Variants in CEP57L1 observed in about 807,000 individuals in gnomAD.
The protein encoded by CEP57L1 is centrosomal protein CEP57L1.
CEP57L1 carries 37 observed loss-of-function variants against 61.0 expected under a neutral mutation model. The ratio of observed to expected loss-of-function variants is 0.61; its 90% CI spans 0.47 to 0.80. The LOEUF is 0.80. Ranked by LOEUF, CEP57L1 falls within the 30% of genes least tolerant of loss-of-function variation. The pLI, the probability that CEP57L1 is intolerant of heterozygous loss-of-function variation, is 0.00. For missense variants in CEP57L1, 422 were observed against 524.7 expected, an observed-to-expected ratio of 0.80 and a Z score of 1.91; for synonymous variants, 137 against 162.3, an observed-to-expected ratio of 0.84 and a Z score of 1.19.
intron 1 of CEP57L1, among the ~76,000 whole-genome samples, chr6:109,098,735 C>T (rs1467026805): frequency 6.6e-6 from 1 of 152,020 alleles, no homozygotes; most frequent in African/African-American, 2.4e-5. Flanking sequence ...TCAAGTGATC[C>T]TCCTGCCTCA....
At chr6:109,109,504 G>A (rs567757051) in intron 1 of CEP57L1, among the ~76,000 whole-genome samples, 1 of 152,194 alleles carries the variant, frequency 6.6e-6, no homozygotes, top group Non-Finnish European at 1.5e-5. Context: ...TTAGTGGGTT[G>A]TAGATCTATA....
At chr6:109,158,766 C>T (rs1348238410) in intron 7 of CEP57L1, 25 of 534,046 alleles carry the variant, frequency 4.7e-5, no homozygotes, top group Non-Finnish European at 7.5e-5. Flanking sequence ...TTGTTATTGT[C>T]ACTGTTTTTT....
intron 3 of CEP57L1, among the ~76,000 whole-genome samples, chr6:109,149,794 T>C (rs1772393888): frequency 6.6e-6 from 1 of 152,230 alleles, no homozygotes; most frequent in Non-Finnish European, 1.5e-5. Context: ...TTTTATTTCA[T>C]TGAGCAGTGG....
intron 1 of CEP57L1, among the ~76,000 whole-genome samples, chr6:109,126,832 T>C (rs1001177442): frequency 6.6e-6 from 1 of 152,206 alleles, no homozygotes; most frequent in African/African-American, 2.4e-5. Context: ...TTATAATTTA[T>C]AAAATATTTG....
At position 109,165,310 on chromosome 6, in the gene CEP57L1, A is replaced by G. The variant is rs367994953; in HGVS notation, c.*2340A>G. The stretch of plus-strand genomic sequence containing the variant: ...ATACTAATATCTCCCTCACAGGACT[A>G]TACTAATTTGTTGTGAGGAGTTAAT... On this transcript the variant is annotated 3_prime_UTR_variant, in exon 11 of 11. Transcript: ENST00000517392. Among the ~76,000 whole-genome samples the G allele has an allele frequency of 2.0e-5, 3 of 151,940 alleles. 1 individual carries two copies. The highest frequency in any genetic ancestry group is 4.2e-4 in the South Asian group (2 of 4,808).
At position 109,173,395 on chromosome 6, in the gene CEP57L1, C is replaced by A. The variant is rs1023880416; in HGVS notation, c.*10425C>A. Reference sequence around the variant, plus strand: ...TAAAGAAGAAAGGAATCTTTCCTTTCCTTCCCCCTCAGCCCGCCCCCTACC... The same window carrying A: ...TAAAGAAGAAAGGAATCTTTCCTTTACTTCCCCCTCAGCCCGCCCCCTACC... On this transcript the variant is annotated 3_prime_UTR_variant, in exon 11 of 11. Coordinates refer to ENST00000517392, the MANE Select transcript of CEP57L1 (RefSeq NM_001271852.3). 6.6e-6 allele frequency among the ~76,000 whole-genome samples: 1 copy of A among 150,420 alleles called. No homozygotes were observed. Among genetic ancestry groups the A allele is most frequent in the Non-Finnish European group, 1.5e-5 (1 of 67,692 alleles).
chr6:109,100,147 T>C (rs1015703409), intron 1 of CEP57L1: 1 of 152,006 alleles, frequency 6.6e-6, no homozygotes, highest in Non-Finnish European at 1.5e-5. Flanking sequence ...GAGGAACTAC[T>C]GTGCTTGTTT....
At chr6:109,159,590 T>C in intron 9 of CEP57L1, 128 bp downstream of exon 9, 1 of 740,704 alleles carries the variant, frequency 1.4e-6, no homozygotes, top group East Asian at 2.7e-5. Flanking sequence ...ATTACAAGCA[T>C]GAGCCACCGT....
chr6:109,128,261 A>G (rs1338195557), intron 1 of CEP57L1, among the ~76,000 whole-genome samples: 1 of 152,124 alleles, frequency 6.6e-6, no homozygotes, highest in Non-Finnish European at 1.5e-5. Flanking sequence ...CCCCTTTTAT[A>G]TTATTCCATA....
rs141406053 is a variant in CEP57L1 at position 109,160,583 on chromosome 6, A to G, written c.1028A>G (p.Glu343Gly). ...CTATTCTTTCATAGGGAGCACCAAGAACTACTGAAACAAATGAAGGAAACT... is the reference window on the plus strand; with the variant it reads ...CTATTCTTTCATAGGGAGCACCAAGGACTACTGAAACAAATGAAGGAAACT... ...ELDQMSMEHQ[E>G]LLKQMKETES... Residue 343 changes from glutamate (E) to glycine (G), a missense_variant, in exon 10 of 11, where the codon GAA (glutamate) becomes GGA (glycine). Transcript: ENST00000517392. 7.8e-5 allele frequency: 125 copies of G among 1,606,094 alleles called. No homozygotes were observed. In the African/African-American group the frequency reaches 1.4e-3, roughly 18 times the overall value.
intron 1 of CEP57L1, among the ~76,000 whole-genome samples, chr6:109,104,962 T>A (rs1770755411): frequency 6.6e-6 from 1 of 152,204 alleles, no homozygotes; most frequent in South Asian, 2.1e-4. Flanking sequence ...ATTTGCATTT[T>A]CCTGATCAAT....
intron 1 of CEP57L1, among the ~76,000 whole-genome samples, chr6:109,120,320 A>G (rs1236136886): frequency 6.6e-6 from 1 of 152,234 alleles, no homozygotes; most frequent in African/African-American, 2.4e-5. Context: ...TAACATTTCT[A>G]GAGGGACAAG....
Position 109,169,118 on chromosome 6 carries a change from C to T in CEP57L1, c.*6148C>T, listed in dbSNP as rs1047149289. Among the ~76,000 whole-genome samples the T allele has an allele frequency of 1.3e-5, 2 of 149,300 alleles. No homozygotes were observed. The highest frequency in any genetic ancestry group is 2.1e-4 in the South Asian group (1 of 4,670). On this transcript the variant is annotated 3_prime_UTR_variant, in exon 11 of 11. Coordinates refer to ENST00000517392, the MANE Select transcript of CEP57L1 (RefSeq NM_001271852.3). ...GTATGTGCCTGTAATCCCGGGTACTCGGGAGGCTAAGGCCAGAGGATTGCT... is the reference window on the plus strand; with the variant it reads ...GTATGTGCCTGTAATCCCGGGTACTTGGGAGGCTAAGGCCAGAGGATTGCT...
rs1017795827 is a variant in CEP57L1, at chr6:109,150,240, G to A, written c.462+1G>A. 5 of 1,591,536 alleles carry A rather than the reference G, an allele frequency of 3.1e-6. No individual in the cohort carries two copies. Among genetic ancestry groups the A allele is most frequent in the Non-Finnish European group, 4.3e-6 (5 of 1,161,462 alleles). On this transcript the variant is annotated splice_donor_variant, in intron 4 of 10. Coordinates refer to ENST00000517392, the MANE Select transcript of CEP57L1 (RefSeq NM_001271852.3). LOFTEE classifies it high-confidence loss of function. The stretch of plus-strand genomic sequence containing the variant: ...AAAGAACATGATCCTAGAACAACAG[G>A]TGAGCATATTTTCTATAAGGAATGA...
At chr6:109,159,146 GT>G in intron 8 of CEP57L1, 44 bp downstream of exon 8, 1 of 1,613,842 alleles carries the variant, frequency 6.2e-7, no homozygotes, top group Non-Finnish European at 8.5e-7. Context: ...AAAAACTCCT[GT>G]TTTGTTGTAA....
intron 5 of CEP57L1, 52 bp from the exon 6 acceptor site, chr6:109,155,178 G>T (rs1773089211): frequency 2.7e-6 from 3 of 1,117,778 alleles, no homozygotes. Flanking sequence ...AGAAACAAAT[G>T]ATATTTGGCT....
At chr6:109,148,885 G>T (rs1198537368) in intron 3 of CEP57L1, among the ~76,000 whole-genome samples, 2 of 152,122 alleles carry the variant, frequency 1.3e-5, no homozygotes, top group Non-Finnish European at 2.9e-5. Context: ...GTGAGCATTT[G>T]TTCATGTGTT....
chr6:109,148,223 T>A (rs1772180391), intron 3 of CEP57L1, among the ~76,000 whole-genome samples: 1 of 152,098 alleles, frequency 6.6e-6, no homozygotes, highest in Non-Finnish European at 1.5e-5. Context: ...ACCCATTAAC[T>A]CGTCATTTAG....
intron 1 of CEP57L1, among the ~76,000 whole-genome samples, chr6:109,102,014 A>G (rs1782492409): frequency 2.0e-5 from 3 of 152,200 alleles, no homozygotes; most frequent in Non-Finnish European, 4.4e-5. Flanking sequence ...ATTTGGTGGT[A>G]TCAGTGTTTT....
Sources: allele counts gnomAD v4.1 joint callset (sites outside exome capture counted in the v4.1 genomes callset), GRCh38; gene constraint gnomAD v4.1.1; transcripts MANE v1.5; gene names NCBI Gene and HGNC (gene_info 2026-07-23, HGNC 2026-07-21).